The following ASTN1 variants were observed in gnomAD, a reference collection of about 807,000 sequenced individuals.
ASTN1 encodes the protein astrotactin 1.
In ASTN1, 41 loss-of-function variants were observed where a neutral mutation model predicts 140.7. The ratio of observed to expected loss-of-function variants is 0.29; its 90% CI spans 0.23 to 0.38. The LOEUF (loss-of-function observed/expected upper bound fraction) is 0.38, where lower values mean the gene tolerates loss of function less well. ASTN1 is among the 10% of genes least tolerant of loss of function. The pLI is 1.00. For synonymous variants in ASTN1, 640 were observed against 652.2 expected (o/e 0.98, Z 0.29); for missense variants, 1,479 against 1,678.8 (o/e 0.88, Z 2.08).
chr1:177,162,114 C>G (rs1342149517), intron 1 of ASTN1, among the ~76,000 whole-genome samples: 3 of 152,058 alleles, frequency 2.0e-5, no homozygotes, highest in African/African-American at 7.2e-5. Context: ...ATCTCAAAAC[C>G]AAAGTCACTA....
intron 1 of ASTN1, among the ~76,000 whole-genome samples, chr1:177,150,984 C>G (rs561084419): frequency 6.6e-6 from 1 of 152,118 alleles, no homozygotes. Context: ...TGTTTTGATA[C>G]AGGCCTATAT....
chr1:177,114,933 G>C (rs1681007825), intron 1 of ASTN1, among the ~76,000 whole-genome samples: 1 of 152,074 alleles, frequency 6.6e-6, no homozygotes, highest in South Asian at 2.1e-4. Context: ...AAAAGCAAGA[G>C]AGCATGAGAC....
At chr1:177,152,695 G>T (rs944573253) in intron 1 of ASTN1, among the ~76,000 whole-genome samples, 1 of 152,026 alleles carries the variant, frequency 6.6e-6, no homozygotes, top group Non-Finnish European at 1.5e-5. Context: ...ACTAGCTTTT[G>T]TTATTCTTCT....
rs75899254 is a variant in ASTN1 at position 176,943,863 on chromosome 1, T to C, written c.2377+28A>G. ...GCAGGGAGCTGCCTGTTTGTGCCAG[T>C]TGAATAAGGTTGAGAAGGCACACTC... On this transcript the variant is annotated intron_variant, in intron 14 of 22. Coordinates refer to ENST00000361833, the MANE Select transcript of ASTN1 (RefSeq NM_004319.3). The C allele has an allele frequency of 2.5e-3, 3,860 of 1,552,234 alleles. 47 individuals are homozygous for C. The African/African-American group carries it at 0.032, about 13-fold the overall frequency.
chr1:176,992,790 C>T (rs1233438676), intron 8 of ASTN1, among the ~76,000 whole-genome samples: 3 of 152,136 alleles, frequency 2.0e-5, no homozygotes, highest in Non-Finnish European at 4.4e-5. Context: ...ACTATTTGGT[C>T]ATTGATTCTA....
chr1:177,138,177 T>TATCA, intron 1 of ASTN1, among the ~76,000 whole-genome samples: 1 of 152,304 alleles, frequency 6.6e-6, no homozygotes, highest in African/African-American at 2.4e-5. Flanking sequence ...CAACATATCC[T>TATCA]ATCACCTTAA....
At chr1:177,002,416 C>CAT (rs71565487) in intron 8 of ASTN1, among the ~76,000 whole-genome samples, 67 of 147,890 alleles carry the variant, frequency 4.5e-4, no homozygotes, top group Non-Finnish European at 7.9e-4. Context: ...CACACACACA[C>CAT]ATGAACAAAT....
intron 17 of ASTN1, among the ~76,000 whole-genome samples, 155 bp downstream of exon 17, chr1:176,894,407 T>C (rs190731216): frequency 6.6e-6 from 1 of 152,324 alleles, no homozygotes; most frequent in Non-Finnish European, 1.5e-5. Flanking sequence ...CATGCAAATT[T>C]AAACAAATTA....
rs1222288882 is a variant in ASTN1, at chr1:176,861,713, C to T, written c.*2571G>A. 1.0e-6 allele frequency: 1 copy of T among 984,918 alleles called. No homozygotes were observed. The highest frequency in any genetic ancestry group is 1.2e-6 in the Non-Finnish European group (1 of 829,900). 61.0% of individuals were successfully genotyped at this position (984,918 alleles called of 1,614,324 possible). A position where few individuals can be genotyped will look rare whatever the true frequency, so the allele number is the denominator to read the frequency against. On this transcript the variant is annotated 3_prime_UTR_variant, in exon 23 of 23. Transcript: ENST00000361833. ...GTGTGTGTGTGTACATACATACACA[C>T]ATTCAGTGGGGAGAACTCAACGAGA...
intron 17 of ASTN1, among the ~76,000 whole-genome samples, chr1:176,891,299 G>A (rs1669255021): frequency 6.6e-6 from 1 of 152,204 alleles, no homozygotes; most frequent in South Asian, 2.1e-4. Flanking sequence ...AAGGAGAGTG[G>A]TTGAACTTCA....
intron 1 of ASTN1, among the ~76,000 whole-genome samples, chr1:177,090,943 G>C (rs1394773959): frequency 6.6e-6 from 1 of 150,888 alleles, no homozygotes; most frequent in African/African-American, 2.4e-5. Context: ...TGGGTGGGGG[G>C]CTGGGGGGCT....
chr1:176,964,228 G>C (rs1672778337), intron 9 of ASTN1, among the ~76,000 whole-genome samples: 1 of 152,170 alleles, frequency 6.6e-6, no homozygotes, highest in African/African-American at 2.4e-5. Flanking sequence ...CAAACTGTAT[G>C]GATACAAGTC....
At chr1:176,901,300 G>A (rs1296538511) in intron 16 of ASTN1, among the ~76,000 whole-genome samples, 3 of 152,204 alleles carry the variant, frequency 2.0e-5, no homozygotes, top group African/African-American at 4.8e-5. Flanking sequence ...ATTCCCTTGG[G>A]ATGTGAGCAC....
intron 8 of ASTN1, among the ~76,000 whole-genome samples, chr1:176,996,592 G>T (rs1021890252): frequency 3.3e-5 from 5 of 152,162 alleles, no homozygotes; most frequent in African/African-American, 1.2e-4. Context: ...CTGGGCTTCA[G>T]TTCAAAGGAA....
intron 16 of ASTN1, among the ~76,000 whole-genome samples, chr1:176,911,448 G>A (rs959045640): frequency 4.6e-5 from 7 of 152,058 alleles, no homozygotes; most frequent in African/African-American, 1.7e-4. Context: ...TAATAACACT[G>A]AGCTTAAAAC....
intron 2 of ASTN1, among the ~76,000 whole-genome samples, chr1:177,035,370 C>G (rs187643985): frequency 1.5e-3 from 227 of 152,296 alleles, no homozygotes; most frequent in African/African-American, 4.6e-3. Context: ...TGAATACATC[C>G]AGACCCATTG....
chr1:176,934,142 T>G lies in ASTN1; in HGVS notation c.2671+10A>C, dbSNP rs1343426530. 3 of 1,596,540 alleles carry G rather than the reference T, an allele frequency of 1.9e-6. No individual in the cohort carries two copies. The Admixed American group carries it at 5.0e-5, about 27-fold the overall frequency. Reference sequence around the variant, plus strand: ...GAGGTATGGAATTTGCCAACAAGCATGCCACTCACCTTTACTGATGTCTTC... The same window carrying G: ...GAGGTATGGAATTTGCCAACAAGCAGGCCACTCACCTTTACTGATGTCTTC... On this transcript the variant is annotated intron_variant, in intron 16 of 22. Transcript: ENST00000361833.
intron 2 of ASTN1, among the ~76,000 whole-genome samples, chr1:177,033,987 G>A (rs1423305232): frequency 2.0e-5 from 3 of 151,898 alleles, no homozygotes; most frequent in African/African-American, 7.3e-5. Context: ...TATTTCATTA[G>A]GCCAGCATGT....
intron 1 of ASTN1, among the ~76,000 whole-genome samples, chr1:177,140,387 C>T (rs1682408768): frequency 6.6e-6 from 1 of 152,078 alleles, no homozygotes; most frequent in African/African-American, 2.4e-5. Flanking sequence ...ACAGAATGGA[C>T]CCCTGATAAG....
Sources: allele counts gnomAD v4.1 joint callset (sites outside exome capture counted in the v4.1 genomes callset), GRCh38; gene constraint gnomAD v4.1.1; transcripts MANE v1.5; gene names NCBI Gene and HGNC (gene_info 2026-07-23, HGNC 2026-07-21).